The following GPC5 variants were observed in gnomAD, a reference collection of about 807,000 sequenced individuals.
GPC5 encodes the protein glypican-5.
A neutral mutation model predicts 53.9 loss-of-function variants in GPC5; 47 were observed. The observed-to-expected ratio is 0.87, with a 90% CI of 0.69 to 1.11. The LOEUF (loss-of-function observed/expected upper bound fraction) is 1.11. Ranked by LOEUF, GPC5 falls within the 50% of genes most tolerant of loss-of-function variation. The pLI is 0.00. For synonymous variants in GPC5, 286 were observed against 263.3 expected, an observed-to-expected ratio of 1.09 and a Z score of -0.84; for missense variants, 748 against 713.1, an observed-to-expected ratio of 1.05 and a Z score of -0.56.
chr13:92,864,840 G>A (rs140386321), intron 7 of GPC5, among the ~76,000 whole-genome samples: 1 of 152,208 alleles, frequency 6.6e-6, no homozygotes, highest in African/African-American at 2.4e-5. Flanking sequence ...TCTGAATGCA[G>A]CACAGCTTAT....
chr13:92,237,699 A>G (rs574804234), intron 7 of GPC5, among the ~76,000 whole-genome samples: 19 of 152,286 alleles, frequency 1.2e-4, no homozygotes, highest in African/African-American at 3.8e-4. Flanking sequence ...GAATGTATTC[A>G]CTTTAAGTGT....
intron 7 of GPC5, among the ~76,000 whole-genome samples, chr13:92,428,009 T>C (rs1178978962): frequency 6.6e-6 from 1 of 152,178 alleles, no homozygotes; most frequent in Non-Finnish European, 1.5e-5. Context: ...TCATTTTTTG[T>C]TTTCCACTTG....
chr13:92,235,539 G>A (rs939353429), intron 7 of GPC5, among the ~76,000 whole-genome samples: 8 of 152,022 alleles, frequency 5.3e-5, no homozygotes, highest in East Asian at 1.9e-4. Flanking sequence ...GTTGGATTTC[G>A]TAAATTTAAG....
chr13:92,805,104 ACTT>A (rs1326012043), intron 7 of GPC5, among the ~76,000 whole-genome samples: 2 of 152,012 alleles, frequency 1.3e-5, no homozygotes, highest in African/African-American at 4.8e-5. Context: ...GTTGGAATCA[ACTT>A]CTTCCAAATT....
intron 7 of GPC5, among the ~76,000 whole-genome samples, chr13:92,732,312 A>T (rs1219531628): frequency 6.6e-6 from 1 of 151,536 alleles, no homozygotes; most frequent in Non-Finnish European, 1.5e-5. Context: ...AATCCCTCAG[A>T]GGCTCAAACT....
At chr13:92,075,804 T>A (rs1197565214) in intron 6 of GPC5, among the ~76,000 whole-genome samples, 5 of 152,180 alleles carry the variant, frequency 3.3e-5, no homozygotes, top group African/African-American at 1.2e-4. Flanking sequence ...AATATATGTA[T>A]CATCTTAGTC....
At chr13:91,935,441 C>CATAT (rs2039861166) in intron 6 of GPC5, among the ~76,000 whole-genome samples, 1 of 151,948 alleles carries the variant, frequency 6.6e-6, no homozygotes, top group Non-Finnish European at 1.5e-5. Flanking sequence ...CATGTGAGGA[C>CATAT]ACAGCAGTAA....
At chr13:92,250,426 T>C (rs1389962390) in intron 7 of GPC5, among the ~76,000 whole-genome samples, 1 of 152,136 alleles carries the variant, frequency 6.6e-6, no homozygotes, top group Admixed American at 6.6e-5. Context: ...ATGTGGTGCA[T>C]AAAGGTCCTC....
chr13:92,105,913 A>C (rs72635475), intron 6 of GPC5, among the ~76,000 whole-genome samples: 2,999 of 152,110 alleles, frequency 0.02, 37 homozygotes, highest in Non-Finnish European at 0.033. Context: ...CTCACCTGTT[A>C]CCATATATTA....
chr13:92,552,326 G>A (rs1379637583), intron 7 of GPC5, among the ~76,000 whole-genome samples: 3 of 151,578 alleles, frequency 2.0e-5, no homozygotes, highest in East Asian at 3.9e-4. Flanking sequence ...CACAAAATAA[G>A]GATTAACAGA....
rs1249169896 is a variant in GPC5 at position 92,031,803 on chromosome 13, A to ATG, written c.1402-113026_1402-113025insGT. Among the ~76,000 whole-genome samples the ATG allele has an allele frequency of 1.1e-3, 123 of 107,290 alleles. 11 individuals carry two copies. The highest frequency in any genetic ancestry group is 4.6e-3 in the African/African-American group (115 of 25,240). The allele number at this position is 107,290 out of a possible 152,430, so 70.4% of individuals were successfully genotyped here. A position where few individuals can be genotyped will look rare whatever the true frequency, so the allele number is the denominator to read the frequency against. On this transcript the variant is annotated intron_variant, in intron 6 of 7. Transcript: ENST00000377067. ...TAATATATTACATATTATATATAAT[A>ATG]TATAATATATTACATATTATATATA... is the stretch of plus-strand genomic sequence containing the variant.
intron 7 of GPC5, among the ~76,000 whole-genome samples, chr13:92,527,382 A>G (rs2138981952): frequency 6.6e-6 from 1 of 152,224 alleles, no homozygotes; most frequent in East Asian, 1.9e-4. Flanking sequence ...AAAAAATTTT[A>G]GAAGTGGTAT....
intron 7 of GPC5, among the ~76,000 whole-genome samples, chr13:92,336,591 T>A (rs1347941378): frequency 6.6e-6 from 1 of 152,148 alleles, no homozygotes; most frequent in Non-Finnish European, 1.5e-5. Context: ...CTAATTAAGG[T>A]CACAATCAGG....
intron 2 of GPC5, among the ~76,000 whole-genome samples, chr13:91,690,225 C>T (rs982619775): frequency 2.6e-5 from 4 of 152,158 alleles, no homozygotes; most frequent in East Asian, 1.9e-4. Flanking sequence ...AGTCAATACA[C>T]AGTTTATGAA....
chr13:92,698,627 T>C (rs1395738395), intron 7 of GPC5, among the ~76,000 whole-genome samples: 4 of 152,112 alleles, frequency 2.6e-5, no homozygotes, highest in Admixed American at 2.0e-4. Flanking sequence ...AATAAACATA[T>C]GTGTGCATGT....
intron 6 of GPC5, among the ~76,000 whole-genome samples, chr13:92,133,521 A>T (rs1204348856): frequency 6.6e-6 from 1 of 152,206 alleles, no homozygotes; most frequent in Non-Finnish European, 1.5e-5. Flanking sequence ...TTCACAGTTC[A>T]TTCAAGGAGG....
At chr13:92,641,389 A>G (rs1885590174) in intron 7 of GPC5, among the ~76,000 whole-genome samples, 1 of 152,214 alleles carries the variant, frequency 6.6e-6, no homozygotes, top group South Asian at 2.1e-4. Flanking sequence ...TGAATTTTTC[A>G]AAACTCCCAA....
intron 2 of GPC5, among the ~76,000 whole-genome samples, chr13:91,495,445 G>A (rs926926455): frequency 2.0e-5 from 3 of 152,086 alleles, no homozygotes; most frequent in African/African-American, 7.2e-5. Context: ...GTCCTGCTGT[G>A]GCTTACAAAC....
At position 92,390,887 on chromosome 13, in the gene GPC5, G is replaced by T. The variant is rs186457183; in HGVS notation, c.1561+245898G>T. Among the ~76,000 whole-genome samples, 333 of 152,080 alleles carry T rather than the reference G, an allele frequency of 2.2e-3. 1 individual carries two copies. The highest frequency in any genetic ancestry group is 7.8e-3 in the African/African-American group (325 of 41,488). On this transcript the variant is annotated intron_variant, in intron 7 of 7. Transcript: ENST00000377067. ...TTGCAAAACCTGGCATATATTTAGG[G>T]CTTTGGTTCAACTGGTCACATAATC...
Sources: gnomAD v4.1 joint callset for allele counts (sites outside exome capture counted in the v4.1 genomes callset) on GRCh38, gnomAD v4.1.1 for gene constraint, MANE v1.5 for transcripts, NCBI Gene and HGNC (gene_info 2026-07-23, HGNC 2026-07-21) for gene names.